The following NAP1L4 variants were observed in gnomAD, a reference collection of about 807,000 sequenced individuals.
NAP1L4 encodes nucleosome assembly protein 1-like 4.
Under a neutral mutation model 58.2 loss-of-function variants are expected in NAP1L4, and 15 were observed. The ratio of observed to expected loss-of-function variants is 0.26; its 90% CI spans 0.17 to 0.40. The LOEUF (loss-of-function observed/expected upper bound fraction) is 0.40, where lower values mean the gene tolerates loss of function less well. Ranked by LOEUF, NAP1L4 falls within the 10% of genes least tolerant of loss-of-function variation. The pLI, the probability that NAP1L4 is intolerant of heterozygous loss-of-function variation, is 1.00. For synonymous variants in NAP1L4, 171 were observed against 155.6 expected, an observed-to-expected ratio of 1.10 and a Z score of -0.74; for missense variants, 384 against 451.1, an observed-to-expected ratio of 0.85 and a Z score of 1.35.
Position 2,951,859 on chromosome 11 carries a change from C to A in NAP1L4, c.1036-50G>T. The A allele has an allele frequency of 1.9e-6, 3 of 1,578,850 alleles. No homozygotes were observed. Among genetic ancestry groups the A allele is most frequent in the Non-Finnish European group, 2.6e-6 (3 of 1,149,272 alleles). On this transcript the variant is annotated intron_variant, in intron 12 of 15. Coordinates refer to ENST00000380542, the MANE Select transcript of NAP1L4 (RefSeq NM_005969.4). The surrounding 1 kb of genome is among the most constrained non-coding windows in gnomAD (Gnocchi z 4.0). ...TTAGGTTTACAAAACATGACAGCAG[C>A]CTGCCCAAGACACCAGTCCCATCAA...
chr11:2,979,870 C>T (rs114528747), intron 1 of NAP1L4, among the ~76,000 whole-genome samples: 2,870 of 152,212 alleles, frequency 0.019, 85 homozygotes, highest in African/African-American at 0.065. Flanking sequence ...TTTTATAATA[C>T]ATTCGGCAAC....
At chr11:2,969,365 TAC>T (rs112028410) in intron 7 of NAP1L4, among the ~76,000 whole-genome samples, 13 of 151,160 alleles carry the variant, frequency 8.6e-5, no homozygotes, top group Admixed American at 3.3e-4. Context: ...GATGTGTGTG[TAC>T]ACACACACAC....
chr11:2,953,953 G>A (rs1383711041), intron 12 of NAP1L4, among the ~76,000 whole-genome samples: 1 of 152,238 alleles, frequency 6.6e-6, no homozygotes, highest in Non-Finnish European at 1.5e-5. Context: ...TGGTGAGGAT[G>A]GGAGTTTCTA....
At chr11:2,970,872 CA>C (rs1162637232) in intron 6 of NAP1L4, among the ~76,000 whole-genome samples, 3 of 146,988 alleles carry the variant, frequency 2.0e-5, no homozygotes, top group Non-Finnish European at 4.5e-5. Flanking sequence ...AAAAAAACTG[CA>C]AAAAGTTAGT....
At chr11:2,979,839 T>C (rs1162240190) in intron 1 of NAP1L4, among the ~76,000 whole-genome samples, 1 of 152,146 alleles carries the variant, frequency 6.6e-6, no homozygotes, top group Non-Finnish European at 1.5e-5. Flanking sequence ...CAGAATAACA[T>C]TAATTCTAAT....
At chr11:2,958,728 CCT>C (rs770977894) in intron 9 of NAP1L4, 184 bp from the exon 10 acceptor site, 45 of 601,922 alleles carry the variant, frequency 7.5e-5, no homozygotes, top group Non-Finnish European at 1.2e-4. Flanking sequence ...ACAGCCTGGT[CCT>C]CTTTCAACTT....
At chr11:2,962,046 C>A (rs990625409) in intron 8 of NAP1L4, among the ~76,000 whole-genome samples, 1 of 152,210 alleles carries the variant, frequency 6.6e-6, no homozygotes, top group South Asian at 2.1e-4. Flanking sequence ...CTCAATCTTA[C>A]AAGCAACTAA....
rs35499396 is a variant in NAP1L4 at position 2,981,418 on chromosome 11, C to CAAAA, written c.-17-2185_-17-2182dup. Reference sequence around the variant, plus strand: ...GGACAACAGAGCAAGTACCCTGTCTCAAAAAAAAAAAAAAAAAAAAAAAAA... The same window carrying CAAAA: ...GGACAACAGAGCAAGTACCCTGTCTCAAAAAAAAAAAAAAAAAAAAAAAAAAAAA... On this transcript the variant is annotated intron_variant, in intron 1 of 15. Coordinates refer to ENST00000380542, the MANE Select transcript of NAP1L4 (RefSeq NM_005969.4). Among the ~76,000 whole-genome samples the CAAAA allele has an allele frequency of 1.3e-3, 52 of 41,276 alleles. 2 individuals carry two copies. The highest frequency in any genetic ancestry group is 3.2e-3 in the African/African-American group (51 of 15,700). 27.1% of individuals were successfully genotyped at this position (41,276 alleles called of 152,430 possible).
In NAP1L4 at chr11:2,959,860, G is replaced by A. The variant is rs746753269; in HGVS notation, c.656C>T (p.Ser219Leu). Residue 219 changes from serine (S) to leucine (L), a missense_variant, in exon 9 of 16, where the codon TCA (serine) becomes TTA (leucine). Ser to Leu is a moderately radical substitution (Grantham distance 145, BLOSUM62 -2). Around this residue, in one of 3 missense-constraint regions of NAP1L4, gnomAD observed 296 missense variants for 360.8 expected, o/e 0.82. Transcript: ENST00000380542. The surrounding 1 kb of genome is among the most constrained non-coding windows in gnomAD (Gnocchi z 4.9). ...CATCTTGTAGGTTTTTGTCAGGACTGAGTTGGTAAAGTAGTCGTTGGGTTC... is the reference window on the plus strand; with the variant it reads ...CATCTTGTAGGTTTTTGTCAGGACTAAGTTGGTAAAGTAGTCGTTGGGTTC... ...HFEPNDYFTN[S>L]VLTKTYKMKS... is the part of the protein sequence containing the mutation. 2.2e-5 allele frequency: 35 copies of A among 1,614,074 alleles called. No homozygotes were observed. The highest frequency in any genetic ancestry group is 2.8e-5 in the Non-Finnish European group (33 of 1,180,010).
chr11:2,960,198 G>A, intron 8 of NAP1L4: 1 of 305,704 alleles, frequency 3.3e-6, no homozygotes, highest in Non-Finnish European at 6.2e-6. Context: ...GCTTCTCTTA[G>A]CTGCTCCCAG....
intron 7 of NAP1L4, among the ~76,000 whole-genome samples, chr11:2,969,112 T>C (rs1847477504): frequency 6.7e-6 from 1 of 150,328 alleles, no homozygotes; most frequent in South Asian, 2.1e-4. Context: ...TGCCTCAGCC[T>C]CCCAAGTACC....
chr11:2,974,780 C>T (rs766177228), intron 4 of NAP1L4, among the ~76,000 whole-genome samples: 1 of 152,088 alleles, frequency 6.6e-6, no homozygotes, highest in Non-Finnish European at 1.5e-5. Context: ...AAAACACGTG[C>T]AGCAAATCAC....
chr11:2,978,049 C>G (rs4758503), intron 3 of NAP1L4, among the ~76,000 whole-genome samples: 42,974 of 151,942 alleles, frequency 0.28, 6,872 homozygotes, highest in African/African-American at 0.43. Context: ...CTAAAGCTCA[C>G]TGATGGTAGC....
intron 7 of NAP1L4, among the ~76,000 whole-genome samples, chr11:2,968,122 G>A (rs1449594765): frequency 6.6e-6 from 1 of 152,122 alleles, no homozygotes; most frequent in African/African-American, 2.4e-5. Context: ...AATCCGCACT[G>A]CCATGGCCAC....
intron 8 of NAP1L4, among the ~76,000 whole-genome samples, chr11:2,961,382 G>C (rs929131792): frequency 3.7e-4 from 56 of 151,542 alleles, no homozygotes; most frequent in African/African-American, 1.3e-3. Flanking sequence ...CACTGCAGAT[G>C]AACCACACAA....
chr11:2,947,322 G>A (rs971165588), intron 15 of NAP1L4, among the ~76,000 whole-genome samples: 9 of 152,200 alleles, frequency 5.9e-5, no homozygotes, highest in Admixed American at 1.3e-4. Flanking sequence ...CCAATATCCT[G>A]GGTGAAGACT....
At chr11:2,957,368 GCAC>G (rs1358429185) in intron 10 of NAP1L4, among the ~76,000 whole-genome samples, 2 of 152,146 alleles carry the variant, frequency 1.3e-5, no homozygotes, top group African/African-American at 4.8e-5. Context: ...CAGAAAATAG[GCAC>G]CACAATTAAA....
At chr11:2,972,302 T>A (rs776859384) in intron 4 of NAP1L4, 59 bp from the exon 5 acceptor site, 1 of 1,451,602 alleles carries the variant, frequency 6.9e-7, no homozygotes, top group South Asian at 1.4e-5. Flanking sequence ...GCAGCATGCT[T>A]TTCAATTTTA....
chr11:2,958,510 T>C lies in NAP1L4; in HGVS notation c.781A>G (p.Thr261Ala). 6.2e-7 allele frequency: 1 copy of C among 1,614,174 alleles called. No individual in the cohort carries two copies. Among genetic ancestry groups the C allele is most frequent in the South Asian group, 1.1e-5 (1 of 91,078 alleles). Residue 261 changes from threonine to alanine, a missense_variant, in exon 10 of 16, where the codon ACT (threonine) becomes GCT (alanine). This residue lies in a region of NAP1L4 where 296 missense variants were observed against 360.8 expected (regional missense o/e 0.82). Transcript: ENST00000380542. ...TGCTTTTTCTTGATGGTTTTGACAG[T>C]AACATTCTTTCCTTTCTTCCAGTCA... ...TIDWKKGKNVTVKTIKKKQKH... is the reference protein window; with the variant it reads ...TIDWKKGKNVAVKTIKKKQKH...
Sources: gnomAD v4.1 joint callset for allele counts (sites outside exome capture counted in the v4.1 genomes callset) on GRCh38, gnomAD v4.1.1 for gene constraint, gnomAD v4.1.1 regional missense constraint, Gnocchi (gnomAD v3.1) non-coding constraint, MANE v1.5 for transcripts, NCBI Gene and HGNC (gene_info 2026-07-23, HGNC 2026-07-21) for gene names.